Variants in SLC35D1 observed in about 807,000 individuals in gnomAD.
SLC35D1 encodes the protein nucleotide sugar transporter SLC35D1.
Under a neutral mutation model 46.7 loss-of-function variants are expected in SLC35D1, and 31 were observed. That is an observed-to-expected ratio of 0.66 (90% CI 0.50 to 0.90). The LOEUF (loss-of-function observed/expected upper bound fraction) is 0.90. Ranked by LOEUF, SLC35D1 falls within the 40% of genes least tolerant of loss-of-function variation. The probability of loss-of-function intolerance (pLI) is 0.00; values close to 1 mark genes in which losing one functional copy is unlikely to be tolerated. For synonymous variants in SLC35D1, 195 were observed against 164.6 expected, an observed-to-expected ratio of 1.18 and a Z score of -1.41; for missense variants, 397 against 426.2, an observed-to-expected ratio of 0.93 and a Z score of 0.60.
chr1:67,053,213 T>C (rs1645330124), intron 1 of SLC35D1, among the ~76,000 whole-genome samples: 2 of 151,586 alleles, frequency 1.3e-5, no homozygotes, highest in South Asian at 4.2e-4. Flanking sequence ...CTTGTCCGAG[T>C]CTACAGTTTC....
the SLC35D1 span, among the ~76,000 whole-genome samples, chr1:66,979,092 G>C: frequency 1.2e-3 from 175 of 151,728 alleles, no homozygotes; most frequent in African/African-American, 3.9e-3. Context: ...TAGCCCCACT[G>C]GGTTGTTTTT....
intron 11 of SLC35D1, among the ~76,000 whole-genome samples, chr1:67,005,382 T>C (rs764913518): frequency 1.3e-5 from 2 of 152,180 alleles, no homozygotes; most frequent in African/African-American, 2.4e-5. Context: ...TGCAGAAGGG[T>C]GAGAGACGCC....
Position 67,054,006 on chromosome 1 carries a change from TC to T in SLC35D1, c.7del (p.Glu3LysfsTer35), listed in dbSNP as rs767969959. On this transcript the variant is annotated frameshift_variant, in exon 1 of 12. Transcript: ENST00000235345. LOFTEE classifies it high-confidence loss of function. MA[E>X]VHRRQHARVK... ...CCGAGCATGCTGACGTCTATGAACTTCCGCCATGGCTGCCGCAGCAGCGGTG... is the reference window on the plus strand; with the variant it reads ...CCGAGCATGCTGACGTCTATGAACTTCGCCATGGCTGCCGCAGCAGCGGTG... 3 of 1,609,548 alleles carry T rather than the reference TC, an allele frequency of 1.9e-6. No individual in the cohort carries two copies. In the Admixed American group the frequency reaches 5.0e-5, roughly 27 times the overall value.
At chr1:67,033,850 T>A (rs1022991950) in intron 8 of SLC35D1, among the ~76,000 whole-genome samples, 1 of 152,214 alleles carries the variant, frequency 6.6e-6, no homozygotes, top group African/African-American at 2.4e-5. Context: ...CCATTATGAT[T>A]TGATTTTTGT....
the SLC35D1 span, among the ~76,000 whole-genome samples, chr1:66,984,292 G>T: frequency 2.6e-5 from 4 of 152,154 alleles, no homozygotes; most frequent in African/African-American, 9.7e-5. Flanking sequence ...GCCAAATTCT[G>T]TTCTTAGTTC....
At chr1:67,047,103 A>C (rs1645259650) in intron 7 of SLC35D1, among the ~76,000 whole-genome samples, 162 bp downstream of exon 7, 1 of 152,208 alleles carries the variant, frequency 6.6e-6, no homozygotes, top group African/African-American at 2.4e-5. Flanking sequence ...TTAAAAAATA[A>C]AGTTTCTTAT....
At chr1:67,024,144 C>T (rs1284685201) in intron 8 of SLC35D1, among the ~76,000 whole-genome samples, 1 of 151,810 alleles carries the variant, frequency 6.6e-6, no homozygotes, top group Middle Eastern at 3.2e-3. Context: ...TGGGGTTTCG[C>T]CATGTTGGCC....
chr1:67,034,710 G>T (rs992774110), intron 8 of SLC35D1, among the ~76,000 whole-genome samples: 9 of 152,076 alleles, frequency 5.9e-5, no homozygotes, highest in Non-Finnish European at 1.2e-4. Flanking sequence ...AGGACTTCCA[G>T]TATTACACTG....
chr1:66,977,820 T>TA, the SLC35D1 span, among the ~76,000 whole-genome samples: 1 of 151,704 alleles, frequency 6.6e-6, no homozygotes, highest in African/African-American at 2.4e-5. Flanking sequence ...TAATGCAAAA[T>TA]AAAAAATAAA....
At chr1:66,981,865 G>T in the SLC35D1 span, 30 of 1,614,038 alleles carry the variant, frequency 1.9e-5, no homozygotes, top group East Asian at 6.7e-4. Context: ...TCAAACAGTA[G>T]TAACAGCCAG....
At chr1:66,990,657 CAAT>C in the SLC35D1 span, among the ~76,000 whole-genome samples, 54 of 152,266 alleles carry the variant, frequency 3.5e-4, no homozygotes, top group African/African-American at 1.1e-3. Flanking sequence ...CCTTTGAAAA[CAAT>C]GATACCAGTT....
chr1:66,996,861 G>GT (rs1667242859), downstream of SLC35D1, among the ~76,000 whole-genome samples: 1 of 152,178 alleles, frequency 6.6e-6, no homozygotes, highest in Non-Finnish European at 1.5e-5. Context: ...CTCTAAGAGG[G>GT]TTTTTTAAAG....
At chr1:67,045,239 T>C (rs1308957123) in intron 7 of SLC35D1, among the ~76,000 whole-genome samples, 1 of 152,246 alleles carries the variant, frequency 6.6e-6, no homozygotes, top group Non-Finnish European at 1.5e-5. Context: ...TCTTTCTCCC[T>C]GCCTTCTTAA....
intron 11 of SLC35D1, among the ~76,000 whole-genome samples, chr1:67,007,854 TCAAA>T (rs1477777381): frequency 6.6e-6 from 1 of 152,162 alleles, no homozygotes; most frequent in Non-Finnish European, 1.5e-5. Flanking sequence ...TTCTACTACT[TCAAA>T]CAGAGACCCT....
chr1:67,029,220 G>C (rs1455805564), intron 8 of SLC35D1, among the ~76,000 whole-genome samples: 1 of 151,868 alleles, frequency 6.6e-6, no homozygotes. Flanking sequence ...TCCTTACTAA[G>C]TATGTGTACA....
intron 10 of SLC35D1, among the ~76,000 whole-genome samples, chr1:67,017,774 T>G (rs1667716278): frequency 6.6e-6 from 1 of 152,210 alleles, no homozygotes; most frequent in Non-Finnish European, 1.5e-5. Flanking sequence ...AGGCCTAGTG[T>G]ACCTACAATG....
downstream of SLC35D1, among the ~76,000 whole-genome samples, chr1:66,995,997 G>T (rs567629211): frequency 5.3e-5 from 8 of 152,318 alleles, no homozygotes; most frequent in Admixed American, 5.2e-4. Context: ...TCTTCAGAAA[G>T]AAAGGGGTTT....
In SLC35D1 at chr1:67,000,944, T is replaced by C. The variant is rs1667327458; in HGVS notation, c.*3396A>G. The C allele has an allele frequency of 6.6e-6, 1 of 152,366 alleles. No individual in the cohort carries two copies. The highest frequency in any genetic ancestry group is 1.5e-5 in the Non-Finnish European group (1 of 68,048). The allele number at this position is 152,366 out of a possible 1,614,324, so 9.4% of individuals were successfully genotyped here. A position where few individuals can be genotyped will look rare whatever the true frequency, so the allele number is the denominator to read the frequency against. On this transcript the variant is annotated 3_prime_UTR_variant, in exon 12 of 12. Coordinates refer to ENST00000235345, the MANE Select transcript of SLC35D1 (RefSeq NM_015139.3). ...GCGTCCCTAAAATCAGTGATACTCA[T>C]AACCATGCAGGCAGCTCTTGGTTAC... is the stretch of plus-strand genomic sequence containing the variant.
chr1:67,018,087 G>A (rs1031016357), intron 10 of SLC35D1, among the ~76,000 whole-genome samples: 1 of 151,996 alleles, frequency 6.6e-6, no homozygotes, highest in Non-Finnish European at 1.5e-5. Flanking sequence ...CATTGAAAAA[G>A]GCCAAAAAGA....
Sources: allele counts gnomAD v4.1 joint callset (sites outside exome capture counted in the v4.1 genomes callset), GRCh38; gene constraint gnomAD v4.1.1; transcripts MANE v1.5; gene names NCBI Gene and HGNC (gene_info 2026-07-23, HGNC 2026-07-21).